VCAN: variants seen among roughly 807,000 people sequenced by gnomAD.
The protein encoded by VCAN is versican.
VCAN carries 44 observed loss-of-function variants against 245.5 expected under a neutral mutation model. The observed-to-expected ratio is 0.18, with a 90% CI of 0.14 to 0.23. VCAN has a LOEUF of 0.23. Ranked by LOEUF, VCAN falls within the 10% of genes least tolerant of loss-of-function variation. The pLI is 1.00. For missense variants in VCAN, 3,793 were observed against 4,057.9 expected (o/e 0.93, Z 1.77); for synonymous variants, 1,413 against 1,437.0 (o/e 0.98, Z 0.38).
intron 13 of VCAN, among the ~76,000 whole-genome samples, chr5:83,573,662 TA>T (rs1187986035): frequency 6.6e-6 from 1 of 151,944 alleles, no homozygotes; most frequent in Non-Finnish European, 1.5e-5. Context: ...AAATAGACAA[TA>T]AAAACATACA....
chr5:83,552,283 G>A (rs1347837091), intron 10 of VCAN, among the ~76,000 whole-genome samples: 1 of 152,144 alleles, frequency 6.6e-6, no homozygotes, highest in African/African-American at 2.4e-5. Flanking sequence ...GTAGGGTTGT[G>A]TTTTCTTCTA....
chr5:83,557,900 C>G (rs1213670220), intron 12 of VCAN, among the ~76,000 whole-genome samples: 2 of 152,140 alleles, frequency 1.3e-5, no homozygotes, highest in Non-Finnish European at 2.9e-5. Flanking sequence ...AATGTATTAA[C>G]AAGCAAAGTT....
intron 5 of VCAN, among the ~76,000 whole-genome samples, chr5:83,495,886 C>G (rs1355340270): frequency 2.0e-5 from 3 of 152,162 alleles, no homozygotes; most frequent in African/African-American, 4.8e-5. Flanking sequence ...ACCCATGAAG[C>G]CACCAGCCAG....
intron 7 of VCAN, 42 bp downstream of exon 7, chr5:83,522,351 A>AT: frequency 6.3e-7 from 1 of 1,590,638 alleles, no homozygotes; most frequent in Non-Finnish European, 8.5e-7. Context: ...GGCAATCCTC[A>AT]TTTTATCTTG....
rs762491176 is a variant in VCAN, at chr5:83,579,935, A to T, written c.9881-45A>T. 1.3e-5 allele frequency: 21 copies of T among 1,599,290 alleles called. No homozygotes were observed. In the South Asian group the frequency reaches 2.3e-4, roughly 18 times the overall value. ...AAAAATAAGAGACTCATATTAGTTG[A>T]AATACTTAGATTATTTGGAAATAAC... On this transcript the variant is annotated intron_variant, in intron 13 of 14. Transcript: ENST00000265077.
At position 83,521,090 on chromosome 5, in the gene VCAN, A is replaced by G. The variant is rs759371442; in HGVS notation, c.2784A>G (p.Val928=). 115 of 1,614,064 alleles carry G rather than the reference A, an allele frequency of 7.1e-5. No individual in the cohort carries two copies. The highest frequency in any genetic ancestry group is 9.6e-5 in the Non-Finnish European group (113 of 1,180,018). The change falls in exon 7 of 15, where the codon GTA becomes GTG. Residue 928 remains valine, a synonymous_variant. Coordinates refer to ENST00000265077, the MANE Select transcript of VCAN (RefSeq NM_004385.5). The part of the protein sequence containing the change: ...ATMEGSALGE[V]EDVDLSKPVS... ...TGGAAGGAAGTGCTTTGGGTGAAGT[A>G]GAAGATGTGGACCTCTCTAAGCCAG...
chr5:83,487,340 G>C lies in VCAN; in HGVS notation c.71-2758G>C, dbSNP rs75477635. The stretch of plus-strand genomic sequence containing the variant: ...TGCTGACAGAGAATGAGGGGTAATT[G>C]GTTATTCATTATTTAGTGATTTCTC... On this transcript the variant is annotated intron_variant, in intron 2 of 14. Transcript: ENST00000265077. Among the ~76,000 whole-genome samples, 16 of 152,166 alleles carry C rather than the reference G, an allele frequency of 1.1e-4. 1 individual carries two copies. The East Asian group carries it at 2.9e-3, about 28-fold the overall frequency.
chr5:83,485,890 A>G (rs947340364), intron 2 of VCAN, among the ~76,000 whole-genome samples: 31 of 152,194 alleles, frequency 2.0e-4, no homozygotes, highest in African/African-American at 6.8e-4. Flanking sequence ...GATTGAGCCC[A>G]GTAGTTCAAG....
chr5:83,483,416 T>C (rs1744680062), intron 1 of VCAN, 97 bp from the exon 2 acceptor site: 1 of 941,686 alleles, frequency 1.1e-6, no homozygotes, highest in African/African-American at 1.6e-5. Context: ...TGCTTAATAC[T>C]ACCCTTATTA....
rs1283490582 is a variant in VCAN at position 83,581,070 on chromosome 5, A to G, written c.*636A>G. ...AAGGCTGCGAATGGGATCCTGATGG[A>G]ACTAAGGACTCCAATGTCGAACTCT... On this transcript the variant is annotated 3_prime_UTR_variant, in exon 15 of 15. Coordinates refer to ENST00000265077, the MANE Select transcript of VCAN (RefSeq NM_004385.5). 1 of 156,208 alleles carries G rather than the reference A, an allele frequency of 6.4e-6. No individual in the cohort carries two copies. Among genetic ancestry groups the G allele is most frequent in the Non-Finnish European group, 1.4e-5 (1 of 70,212 alleles). The allele number at this position is 156,208 out of a possible 1,614,324, so 9.7% of individuals were successfully genotyped here. A position where few individuals can be genotyped will look rare whatever the true frequency, so the allele number is the denominator to read the frequency against.
At chr5:83,486,166 T>C (rs1744786153) in intron 2 of VCAN, among the ~76,000 whole-genome samples, 1 of 152,072 alleles carries the variant, frequency 6.6e-6, no homozygotes, top group African/African-American at 2.4e-5. Context: ...AATAAATTCC[T>C]CCTCCATGTT....
chr5:83,519,622 A>G lies in VCAN; in HGVS notation c.1316A>G (p.Tyr439Cys), dbSNP rs1211120192. Residue 439 changes from tyrosine (Y) to cysteine (C), a missense_variant, in exon 7 of 15, where the codon TAC becomes TGC. Tyr to Cys is a radical substitution (Grantham distance 194, BLOSUM62 -2). Around this residue, in one of 5 missense-constraint regions of VCAN, gnomAD observed 3,182 missense variants for 3,250.3 expected, o/e 0.98. Coordinates refer to ENST00000265077, the MANE Select transcript of VCAN (RefSeq NM_004385.5). Reference sequence around the variant, plus strand: ...AAGAAGCCCTGGGATATGGATGACTACTCACCTTCTGCTTCAGGACCTCTT... The same window carrying G: ...AAGAAGCCCTGGGATATGGATGACTGCTCACCTTCTGCTTCAGGACCTCTT... ...STKKPWDMDD[Y>C]SPSASGPLGK... 1 of 1,614,120 alleles carries G rather than the reference A, an allele frequency of 6.2e-7. No individual in the cohort carries two copies. Among genetic ancestry groups the G allele is most frequent in the South Asian group, 1.1e-5 (1 of 91,076 alleles).
At chr5:83,576,936 T>C (rs1262490304) in intron 13 of VCAN, among the ~76,000 whole-genome samples, 1 of 152,168 alleles carries the variant, frequency 6.6e-6, no homozygotes, top group Non-Finnish European at 1.5e-5. Context: ...TACATACTAA[T>C]TTGTAGGAGT....
chr5:83,538,372 C>G lies in VCAN; in HGVS notation c.5369C>G (p.Thr1790Ser), dbSNP rs777067748. Residue 1790 changes from threonine to serine, a missense_variant, in exon 8 of 15, where the codon ACT becomes AGT. By Grantham distance (58) the Thr-to-Ser change is moderately conservative. This residue lies in a region of VCAN where 3,182 missense variants were observed against 3,250.3 expected (regional missense o/e 0.98). Transcript: ENST00000265077. ...TQSEREMTDSTPVFTETNTLE... is the reference protein window; with the variant it reads ...TQSEREMTDSSPVFTETNTLE... ...TCTGAAAGGGAAATGACAGATTCTA[C>G]TCCTGTCTTTACAGAAACAAATACA... The G allele has an allele frequency of 6.2e-7, 1 of 1,614,026 alleles. No homozygotes were observed. The highest frequency in any genetic ancestry group is 1.1e-5 in the South Asian group (1 of 91,086).
chr5:83,566,975 GC>G (rs1209290870), intron 12 of VCAN, among the ~76,000 whole-genome samples: 1 of 152,120 alleles, frequency 6.6e-6, no homozygotes, highest in East Asian at 1.9e-4. Flanking sequence ...ATACTTATTA[GC>G]TGTTAGATTT....
At chr5:83,486,986 A>G (rs762747558) in intron 2 of VCAN, among the ~76,000 whole-genome samples, 4 of 152,254 alleles carry the variant, frequency 2.6e-5, no homozygotes, top group Non-Finnish European at 4.4e-5. Flanking sequence ...AACGACTAAC[A>G]TAAATGAACA....
chr5:83,528,036 A>G (rs1746366367), intron 7 of VCAN, among the ~76,000 whole-genome samples: 1 of 152,350 alleles, frequency 6.6e-6, no homozygotes, highest in Non-Finnish European at 1.5e-5. Flanking sequence ...AAGCTATAGC[A>G]TGTCTAGTCG....
At chr5:83,536,903 T>A (rs1360573496) in intron 7 of VCAN, 104 bp from the exon 8 acceptor site, 2 of 930,076 alleles carry the variant, frequency 2.2e-6, no homozygotes, top group East Asian at 5.2e-5. Flanking sequence ...AAGATTTGAA[T>A]CCTTCTTTGT....
chr5:83,570,539 A>T, intron 12 of VCAN, among the ~76,000 whole-genome samples: 1 of 152,176 alleles, frequency 6.6e-6, no homozygotes, highest in East Asian at 1.9e-4. Context: ...GAAAAATTAC[A>T]GACATCCTCT....
Sources: allele counts gnomAD v4.1 joint callset (sites outside exome capture counted in the v4.1 genomes callset), GRCh38; gene constraint gnomAD v4.1.1; regional missense constraint gnomAD v4.1.1; transcripts MANE v1.5; gene names NCBI Gene and HGNC (gene_info 2026-07-23, HGNC 2026-07-21).